The following BIK variants were observed in gnomAD, a reference collection of about 807,000 sequenced individuals.
BIK encodes bcl-2-interacting killer.
In BIK, 14 loss-of-function variants were observed where a neutral mutation model predicts 12.1. The observed-to-expected ratio is 1.16, with a 90% CI of 0.77 to 1.81. The LOEUF (loss-of-function observed/expected upper bound fraction) is 1.81, where lower values mean the gene tolerates loss of function less well. Among genes scored for constraint, BIK ranks in the 40% most tolerant of loss-of-function variants. The pLI, the probability that BIK is intolerant of heterozygous loss-of-function variation, is 0.00. For missense variants in BIK, 215 were observed against 207.9 expected, an observed-to-expected ratio of 1.03 and a Z score of -0.21; for synonymous variants, 86 against 92.3, an observed-to-expected ratio of 0.93 and a Z score of 0.39.
intron 1 of BIK, among the ~76,000 whole-genome samples, chr22:43,111,527 T>C (rs1247314864): frequency 1.3e-5 from 2 of 151,802 alleles, no homozygotes; most frequent in Non-Finnish European, 2.9e-5. Flanking sequence ...GCCCCCCGCC[T>C]GCGGGGCGCG....
At chr22:43,118,333 G>GTT (rs147678858) in intron 1 of BIK, among the ~76,000 whole-genome samples, 150 of 152,344 alleles carry the variant, frequency 9.8e-4, no homozygotes, top group African/African-American at 3.3e-3. Context: ...TGTTGATTGT[G>GTT]TTAACCAGCT....
chr22:43,119,697 C>T (rs8136891), intron 1 of BIK, among the ~76,000 whole-genome samples: 24,105 of 152,050 alleles, frequency 0.16, 2,185 homozygotes, highest in African/African-American at 0.24. Flanking sequence ...AGGTGATGCC[C>T]GAATAGGCCA....
Position 43,129,471 on chromosome 22 carries a change from G to GTTTTTTT in BIK, c.*170_*176dup. 1 of 1,057,324 alleles carries GTTTTTTT rather than the reference G, an allele frequency of 9.5e-7. No individual in the cohort carries two copies. Among genetic ancestry groups the GTTTTTTT allele is most frequent in the Non-Finnish European group, 1.3e-6 (1 of 791,996 alleles). The allele number at this position is 1,057,324 out of a possible 1,614,324, so 65.5% of individuals were successfully genotyped here. ...CTGAGGTTTTATACTCAGGTTTTTT[G>GTTTTTTT]TTTTTTTTTTATTCCAGTTTTCGTT... On this transcript the variant is annotated 3_prime_UTR_variant, in exon 5 of 5. Transcript: ENST00000216115.
chr22:43,129,003 G>A (rs909366591), intron 4 of BIK, among the ~76,000 whole-genome samples: 20 of 152,188 alleles, frequency 1.3e-4, no homozygotes, highest in African/African-American at 3.9e-4. Flanking sequence ...CCTGTGTCCC[G>A]CAGACTGGCA....
chr22:43,127,599 C>A, intron 2 of BIK, 98 bp from the exon 3 acceptor site: 1 of 1,091,796 alleles, frequency 9.2e-7, no homozygotes, highest in Non-Finnish European at 1.3e-6. Flanking sequence ...ATCCTCTGGG[C>A]CACTCCCAGC....
intron 2 of BIK, 141 bp downstream of exon 2, chr22:43,124,324 G>A (rs1176461847): frequency 9.5e-7 from 1 of 1,047,370 alleles, no homozygotes; most frequent in African/African-American, 1.6e-5. Flanking sequence ...CCCGGATGTG[G>A]GCATGGAGGC....
At chr22:43,120,723 C>T (rs1035720275) in intron 1 of BIK, among the ~76,000 whole-genome samples, 1 of 152,206 alleles carries the variant, frequency 6.6e-6, no homozygotes, top group African/African-American at 2.4e-5. Flanking sequence ...ACCTTCCGCT[C>T]CCTGGCTCCA....
intron 1 of BIK, among the ~76,000 whole-genome samples, chr22:43,115,812 G>A (rs187269417): frequency 9.3e-5 from 14 of 150,510 alleles, no homozygotes; most frequent in African/African-American, 2.4e-4. Flanking sequence ...GTTAGAGTGC[G>A]GTGGCACGAT....
At chr22:43,120,236 G>C (rs961584510) in intron 1 of BIK, among the ~76,000 whole-genome samples, 6 of 152,204 alleles carry the variant, frequency 3.9e-5, no homozygotes, top group African/African-American at 1.4e-4. Flanking sequence ...CACCCAGGTT[G>C]GAGTGCAATG....
At chr22:43,129,134 C>T (rs892170575) in intron 4 of BIK, 79 bp from the exon 5 acceptor site, 1 of 1,597,726 alleles carries the variant, frequency 6.3e-7, no homozygotes. Context: ...TGGGCTTCCC[C>T]TTGGCACTCC....
Position 43,129,472 on chromosome 22 carries a change from T to G in BIK, c.*167T>G, listed in dbSNP as rs537049224. ...TGAGGTTTTATACTCAGGTTTTTTGTTTTTTTTTTATTCCAGTTTTCGTTT... is the reference window on the plus strand; with the variant it reads ...TGAGGTTTTATACTCAGGTTTTTTGGTTTTTTTTTATTCCAGTTTTCGTTT... On this transcript the variant is annotated 3_prime_UTR_variant, in exon 5 of 5. Transcript: ENST00000216115. 8.2e-5 allele frequency: 84 copies of G among 1,025,920 alleles called. No individual in the cohort carries two copies. The South Asian group carries it at 1.1e-3, about 14-fold the overall frequency. The allele number at this position is 1,025,920 out of a possible 1,614,324, so 63.6% of individuals were successfully genotyped here.
At chr22:43,126,216 C>T (rs1406094857) in intron 2 of BIK, among the ~76,000 whole-genome samples, 3 of 142,000 alleles carry the variant, frequency 2.1e-5, no homozygotes, top group Admixed American at 6.9e-5. Flanking sequence ...GACGGAGTCT[C>T]GCTGTGTCGC....
chr22:43,127,309 A>G (rs1383034531), intron 2 of BIK, among the ~76,000 whole-genome samples: 1 of 152,062 alleles, frequency 6.6e-6, no homozygotes, highest in Non-Finnish European at 1.5e-5. Flanking sequence ...AAGGGGGCTC[A>G]GCCATCCGGG....
intron 1 of BIK, among the ~76,000 whole-genome samples, chr22:43,117,114 A>G (rs1009359466): frequency 6.6e-6 from 1 of 152,048 alleles, no homozygotes; most frequent in African/African-American, 2.4e-5. Context: ...AAAGGCTCTG[A>G]TTCTAGATCT....
rs1295369116 is a variant in BIK at position 43,124,017 on chromosome 22, GGAGAA to G, written c.-5_-1del. 6.2e-7 allele frequency: 1 copy of G among 1,613,854 alleles called. No individual in the cohort carries two copies. The stretch of plus-strand genomic sequence containing the variant: ...TCATATGCTGTCTTTTTGCCCCAGA[GGAGAA>G]ATGTCTGAAGTAAGACCCCTCTCCA... On this transcript the variant is annotated splice_region_variant and 5_prime_UTR_variant, in exon 2 of 5. Coordinates refer to ENST00000216115, the MANE Select transcript of BIK (RefSeq NM_001197.5).
At chr22:43,120,127 C>T (rs4988394) in intron 1 of BIK, among the ~76,000 whole-genome samples, 5 of 152,186 alleles carry the variant, frequency 3.3e-5, no homozygotes, top group South Asian at 2.1e-4. Context: ...GTGTGGTTAG[C>T]GCGGGAACCA....
intron 4 of BIK, 39 bp from the exon 5 acceptor site, chr22:43,129,174 G>A (rs1376536443): frequency 1.9e-6 from 3 of 1,600,990 alleles, no homozygotes; most frequent in Middle Eastern, 4.4e-4. Flanking sequence ...CATTGCCGGG[G>A]CCTGCCCCGA....
chr22:43,124,305 G>A (rs1930273940), intron 2 of BIK, 122 bp downstream of exon 2: 8 of 1,228,248 alleles, frequency 6.5e-6, no homozygotes, highest in Non-Finnish European at 7.9e-6. Context: ...GCCTCCGAGA[G>A]GAAGATTTCC....
chr22:43,111,882 G>A (rs1282715060), intron 1 of BIK, among the ~76,000 whole-genome samples: 3 of 152,122 alleles, frequency 2.0e-5, no homozygotes, highest in East Asian at 1.9e-4. Context: ...TCCAGGTGGA[G>A]AAACAGAGAT....
Sources: gnomAD v4.1 joint callset for allele counts (sites outside exome capture counted in the v4.1 genomes callset) on GRCh38, gnomAD v4.1.1 for gene constraint, MANE v1.5 for transcripts, NCBI Gene and HGNC (gene_info 2026-07-23, HGNC 2026-07-21) for gene names.